ASCC3: variants seen among roughly 807,000 people sequenced by gnomAD.
ASCC3 encodes activating signal cointegrator 1 complex subunit 3, also known as ASC-1 complex subunit P200.
A neutral mutation model predicts 256.3 loss-of-function variants in ASCC3; 158 were observed. The ratio of observed to expected loss-of-function variants is 0.62; its 90% CI spans 0.54 to 0.70. ASCC3 has a LOEUF of 0.70. Among genes scored for constraint, ASCC3 ranks in the 30% least tolerant of loss-of-function variants. ASCC3 has a pLI of 0.00. For synonymous variants in ASCC3, 948 were observed against 883.4 expected (o/e 1.07, Z -1.30); for missense variants, 2,259 against 2,626.0 (o/e 0.86, Z 3.05).
intron 36 of ASCC3, among the ~76,000 whole-genome samples, chr6:100,586,182 A>G (rs1582503175): frequency 6.6e-6 from 1 of 152,202 alleles, no homozygotes; most frequent in Admixed American, 6.5e-5. Context: ...CCCTGTCCCC[A>G]GAGGTGGGGC....
intron 37 of ASCC3, among the ~76,000 whole-genome samples, chr6:100,534,115 G>GC (rs545697477): frequency 1.1e-3 from 174 of 152,252 alleles, no homozygotes; most frequent in African/African-American, 4.1e-3. Context: ...GTGGTGGCTT[G>GC]CACCTGTAGT....
intron 3 of ASCC3, among the ~76,000 whole-genome samples, chr6:100,849,618 C>G (rs946781503): frequency 6.6e-6 from 1 of 151,976 alleles, no homozygotes; most frequent in African/African-American, 2.4e-5. Flanking sequence ...GAATCAGCCT[C>G]TAATTTATTT....
At chr6:100,593,795 C>T (rs1233763808) in intron 34 of ASCC3, among the ~76,000 whole-genome samples, 2 of 152,052 alleles carry the variant, frequency 1.3e-5, no homozygotes, top group Admixed American at 1.3e-4. Flanking sequence ...ACATTTTTGC[C>T]TCAGATATAT....
At chr6:100,843,586 A>G (rs1244241743) in intron 4 of ASCC3, among the ~76,000 whole-genome samples, 1 of 152,152 alleles carries the variant, frequency 6.6e-6, no homozygotes, top group African/African-American at 2.4e-5. Flanking sequence ...ACTTCAATAC[A>G]TCTCCAATAT....
rs754668989 is a variant in ASCC3, at chr6:100,589,613, T to A, written c.5550+21A>T. 9.9e-6 allele frequency: 16 copies of A among 1,612,574 alleles called. 1 individual carries two copies. The Admixed American group carries it at 2.2e-4, about 22-fold the overall frequency. ...AAGCCCTAAATTAAAAGAGAAGATA[T>A]GAAATATATGAAAAACTCACACTTA... On this transcript the variant is annotated intron_variant, in intron 36 of 41. Transcript: ENST00000369162.
chr6:100,590,491 C>A (rs950088463), intron 34 of ASCC3, among the ~76,000 whole-genome samples: 21 of 152,106 alleles, frequency 1.4e-4, no homozygotes, highest in African/African-American at 4.3e-4. Flanking sequence ...GGAAACAGAT[C>A]CGAAGAGCAA....
intron 13 of ASCC3, among the ~76,000 whole-genome samples, chr6:100,706,791 T>C (rs1778608935): frequency 6.6e-6 from 1 of 152,000 alleles, no homozygotes; most frequent in Non-Finnish European, 1.5e-5. Context: ...GAGATTTCAG[T>C]TTTGGGCAAC....
In ASCC3 at chr6:100,638,701, G is replaced by C. The variant is rs755169064; in HGVS notation, c.4022C>G (p.Thr1341Arg). Residue 1341 changes from threonine (T) to arginine (R), a missense_variant, in exon 25 of 42, where the codon ACG (threonine) becomes AGG (arginine). Thr to Arg is a moderately conservative substitution (Grantham distance 71). This residue lies in a region of ASCC3 where 1,839 missense variants were observed against 2,206.7 expected (regional missense o/e 0.83). Transcript: ENST00000369162. ...TGCTCCAAGTAGGACATTACAATCC[G>C]TGTGATACAATGTATGAAATATTTG... Reference protein sequence around the residue: ...QTQIFHTLYHTDCNVLLGAPT... With the variant: ...QTQIFHTLYHRDCNVLLGAPT... 4 of 1,613,966 alleles carry C rather than the reference G, an allele frequency of 2.5e-6. No individual in the cohort carries two copies. In the Admixed American group the frequency reaches 5.0e-5, roughly 20 times the overall value.
At chr6:100,651,887 G>A (rs1775688351) in intron 18 of ASCC3, among the ~76,000 whole-genome samples, 1 of 150,708 alleles carries the variant, frequency 6.6e-6, no homozygotes, top group South Asian at 2.1e-4. Context: ...AAAGATGGAT[G>A]GTGAATAAAA....
At chr6:100,709,495 G>A (rs1348572890) in intron 13 of ASCC3, among the ~76,000 whole-genome samples, 2 of 152,030 alleles carry the variant, frequency 1.3e-5, no homozygotes, top group Non-Finnish European at 2.9e-5. Flanking sequence ...ACATGCCTTA[G>A]GTTCATTTCT....
At chr6:100,721,817 T>C (rs1779354262) in intron 11 of ASCC3, among the ~76,000 whole-genome samples, 1 of 151,584 alleles carries the variant, frequency 6.6e-6, no homozygotes, top group Non-Finnish European at 1.5e-5. Context: ...GCAATTGCTA[T>C]CTCCCACTTT....
chr6:100,693,905 G>T (rs1777956035), intron 13 of ASCC3, among the ~76,000 whole-genome samples: 1 of 152,032 alleles, frequency 6.6e-6, no homozygotes, highest in Non-Finnish European at 1.5e-5. Context: ...GACTGAAGTG[G>T]ATCTGAGAGA....
At chr6:100,839,717 G>C (rs1370669603) in intron 4 of ASCC3, among the ~76,000 whole-genome samples, 1 of 152,162 alleles carries the variant, frequency 6.6e-6, no homozygotes, top group Non-Finnish European at 1.5e-5. Flanking sequence ...ACTGAGCTGA[G>C]ATCTGTCCTT....
chr6:100,725,044 G>A (rs1779560112), intron 11 of ASCC3, among the ~76,000 whole-genome samples: 1 of 151,926 alleles, frequency 6.6e-6, no homozygotes, highest in Non-Finnish European at 1.5e-5. Flanking sequence ...GTGCTCAGGG[G>A]ATAAGTAAGT....
intron 4 of ASCC3, among the ~76,000 whole-genome samples, chr6:100,819,951 C>T (rs1217216511): frequency 1.3e-5 from 2 of 151,972 alleles, no homozygotes; most frequent in Non-Finnish European, 2.9e-5. Context: ...AAGAGTTCTA[C>T]ACTAAAAACT....
intron 36 of ASCC3, among the ~76,000 whole-genome samples, chr6:100,576,970 T>C (rs1770901671): frequency 1.3e-5 from 2 of 150,654 alleles, no homozygotes; most frequent in African/African-American, 4.9e-5. Context: ...TAGTTTCATA[T>C]AATGGAATAA....
intron 4 of ASCC3, among the ~76,000 whole-genome samples, chr6:100,824,104 T>C (rs894884037): frequency 6.6e-5 from 10 of 152,186 alleles, no homozygotes; most frequent in African/African-American, 2.4e-4. Context: ...AACTGAGGGT[T>C]TGTGAAACCA....
intron 13 of ASCC3, among the ~76,000 whole-genome samples, chr6:100,691,831 G>A (rs1443162378): frequency 6.6e-6 from 1 of 151,722 alleles, no homozygotes; most frequent in Non-Finnish European, 1.5e-5. Flanking sequence ...TAAGAATCAA[G>A]TAGACCTATG....
At position 100,559,968 on chromosome 6, in the gene ASCC3, G is replaced by A. The variant is rs112313947; in HGVS notation, c.5551-19581C>T. 5.3e-5 allele frequency among the ~76,000 whole-genome samples: 8 copies of A among 152,156 alleles called. 1 individual carries two copies. The highest frequency in any genetic ancestry group is 1.9e-4 in the African/African-American group (8 of 41,516). The stretch of plus-strand genomic sequence containing the variant: ...TGATAGATCATATAATAAGATATGG[G>A]AAACAAGTGTCACGTGGAAATCTTA... On this transcript the variant is annotated intron_variant, in intron 36 of 41. Coordinates refer to ENST00000369162, the MANE Select transcript of ASCC3 (RefSeq NM_006828.4).
Sources: gnomAD v4.1 joint callset for allele counts (sites outside exome capture counted in the v4.1 genomes callset) on GRCh38, gnomAD v4.1.1 for gene constraint, gnomAD v4.1.1 regional missense constraint, MANE v1.5 for transcripts, NCBI Gene and HGNC (gene_info 2026-07-23, HGNC 2026-07-21) for gene names.